RAB11FIP4: variants seen among roughly 807,000 people sequenced by gnomAD.
The protein encoded by RAB11FIP4 is rab11 family-interacting protein 4.
Under a neutral mutation model 74.3 loss-of-function variants are expected in RAB11FIP4, and 23 were observed. That is an observed-to-expected ratio of 0.31 (90% CI 0.22 to 0.44). RAB11FIP4 has a LOEUF of 0.44. Ranked by LOEUF, RAB11FIP4 falls within the 20% of genes least tolerant of loss-of-function variation. The pLI is 1.00. For missense variants in RAB11FIP4, 630 were observed against 863.9 expected (o/e 0.73, Z 3.39); for synonymous variants, 360 against 359.9 (o/e 1.00, Z 0.00).
chr17:31,418,160 G>A (rs1172516521), intron 1 of RAB11FIP4, among the ~76,000 whole-genome samples: 6 of 152,132 alleles, frequency 3.9e-5, no homozygotes, highest in Non-Finnish European at 8.8e-5. Context: ...GGACAAGGCG[G>A]GCGGATCACC....
chr17:31,505,389 G>GTAA (rs1231443702), intron 3 of RAB11FIP4, among the ~76,000 whole-genome samples: 3 of 117,320 alleles, frequency 2.6e-5, no homozygotes, highest in Non-Finnish European at 3.3e-5. Flanking sequence ...TATTCCATCA[G>GTAA]TAATAATAAT....
intron 1 of RAB11FIP4, among the ~76,000 whole-genome samples, chr17:31,400,873 C>T (rs377012354): frequency 2.0e-5 from 3 of 152,184 alleles, no homozygotes; most frequent in African/African-American, 7.2e-5. Context: ...ACATCCTGGG[C>T]TCTTTCTCCC....
intron 3 of RAB11FIP4, among the ~76,000 whole-genome samples, chr17:31,507,722 G>A (rs1473753603): frequency 1.3e-5 from 2 of 152,128 alleles, no homozygotes; most frequent in East Asian, 1.9e-4. Flanking sequence ...TGAACTCCTA[G>A]GTTCAAGCAG....
rs2072312034 is a variant in RAB11FIP4 at position 31,505,514 on chromosome 17, T to TTA, written c.337-12137_337-12136insTA. 8.1e-5 allele frequency among the ~76,000 whole-genome samples: 6 copies of TTA among 74,474 alleles called. No individual in the cohort carries two copies. The Admixed American group carries it at 1.1e-3, about 14-fold the overall frequency. The allele number at this position is 74,474 out of a possible 152,430, so 48.9% of individuals were successfully genotyped here. On this transcript the variant is annotated intron_variant, in intron 3 of 14. Coordinates refer to ENST00000621161, the MANE Select transcript of RAB11FIP4 (RefSeq NM_032932.6). ...TATATAATTATTATATTATATATAA[T>TTA]AATTATATATTATATATAATTATTA...
chr17:31,403,353 C>T (rs546382609), intron 1 of RAB11FIP4, among the ~76,000 whole-genome samples: 68 of 150,866 alleles, frequency 4.5e-4, no homozygotes, highest in African/African-American at 1.4e-3. Flanking sequence ...GATGGAGTCT[C>T]GCTCTGTCAC....
At chr17:31,439,334 T>A (rs1014842643) in intron 3 of RAB11FIP4, among the ~76,000 whole-genome samples, 7 of 152,242 alleles carry the variant, frequency 4.6e-5, no homozygotes, top group Non-Finnish European at 8.8e-5. Context: ...ACCCAAGCAC[T>A]ATATGAGATT....
chr17:31,425,884 AG>A (rs1233443805), intron 1 of RAB11FIP4, among the ~76,000 whole-genome samples: 1 of 152,124 alleles, frequency 6.6e-6, no homozygotes, highest in Admixed American at 6.5e-5. Flanking sequence ...CCTGGGGCCC[AG>A]GCTCCCCACG....
chr17:31,398,961 C>T (rs1005267325), intron 1 of RAB11FIP4, among the ~76,000 whole-genome samples: 1 of 152,118 alleles, frequency 6.6e-6, no homozygotes, highest in Non-Finnish European at 1.5e-5. Context: ...CCTTGGAGGG[C>T]AGTGCATTGC....
At chr17:31,407,630 C>T (rs1036122223) in intron 1 of RAB11FIP4, among the ~76,000 whole-genome samples, 1 of 152,144 alleles carries the variant, frequency 6.6e-6, no homozygotes, top group Non-Finnish European at 1.5e-5. Flanking sequence ...TATAGACTGT[C>T]CCATCACCTG....
At chr17:31,510,355 C>G (rs1156919700) in intron 3 of RAB11FIP4, among the ~76,000 whole-genome samples, 1 of 152,246 alleles carries the variant, frequency 6.6e-6, no homozygotes, top group African/African-American at 2.4e-5. Context: ...TGTGTGTCCA[C>G]CCCCACCGCA....
Position 31,537,037 on chromosome 17 carries a change from G to A in RAB11FIP4, c.*5305G>A, listed in dbSNP as rs542804811. On this transcript the variant is annotated 3_prime_UTR_variant, in exon 15 of 15. Coordinates refer to ENST00000621161, the MANE Select transcript of RAB11FIP4 (RefSeq NM_032932.6). ...ATGTCTCCTGCAGGATCCAAGTGCT[G>A]TTGTCCCCAGGGTGACCCTGCCTCC... is the stretch of plus-strand genomic sequence containing the variant. 1 of 399,350 alleles carries A rather than the reference G, an allele frequency of 2.5e-6. No individual in the cohort carries two copies. Among genetic ancestry groups the A allele is most frequent in the Non-Finnish European group, 4.4e-6 (1 of 226,250 alleles). 24.7% of individuals were successfully genotyped at this position (399,350 alleles called of 1,614,324 possible). A position where few individuals can be genotyped will look rare whatever the true frequency, so the allele number is the denominator to read the frequency against.
intron 1 of RAB11FIP4, among the ~76,000 whole-genome samples, chr17:31,400,503 G>A (rs758002647): frequency 1.4e-4 from 22 of 152,160 alleles, no homozygotes; most frequent in Non-Finnish European, 1.5e-5. Flanking sequence ...TCAGACTTAG[G>A]TTTAATGGGG....
rs553393266 is a variant in RAB11FIP4, at chr17:31,413,380, G to A, written c.160-18433G>A. ...TCAAACTATGCTGAGAGCCAGAGAT[G>A]TCAACAGAGGGCCTCACACGGAGGG... On this transcript the variant is annotated intron_variant, in intron 1 of 14. Coordinates refer to ENST00000621161, the MANE Select transcript of RAB11FIP4 (RefSeq NM_032932.6). 2.6e-5 allele frequency among the ~76,000 whole-genome samples: 4 copies of A among 152,214 alleles called. No homozygotes were observed. In the South Asian group the frequency reaches 8.3e-4, roughly 32 times the overall value.
rs144871327 is a variant in RAB11FIP4, at chr17:31,459,830, C to T, written c.336+25708C>T. On this transcript the variant is annotated intron_variant, in intron 3 of 14. Coordinates refer to ENST00000621161, the MANE Select transcript of RAB11FIP4 (RefSeq NM_032932.6). Reference sequence around the variant, plus strand: ...CCTCTGCCTGACAGTGGGTTGTGCCCCAGAGGGGCTCCTCTGTTGTTCTGG... The same window carrying T: ...CCTCTGCCTGACAGTGGGTTGTGCCTCAGAGGGGCTCCTCTGTTGTTCTGG... Among the ~76,000 whole-genome samples the T allele has an allele frequency of 5.9e-5, 9 of 151,998 alleles. No individual in the cohort carries two copies. In the East Asian group the frequency reaches 1.7e-3, roughly 29 times the overall value.
intron 7 of RAB11FIP4, 61 bp downstream of exon 7, chr17:31,522,456 G>GA: frequency 1.3e-6 from 2 of 1,558,680 alleles, no homozygotes; most frequent in Non-Finnish European, 1.8e-6. Context: ...CACTGGCCGG[G>GA]GCTCCCTGCC....
intron 1 of RAB11FIP4, among the ~76,000 whole-genome samples, chr17:31,410,053 A>C (rs1385411323): frequency 6.6e-6 from 1 of 152,086 alleles, no homozygotes; most frequent in African/African-American, 2.4e-5. Flanking sequence ...CTCACCTGCG[A>C]AATTGGGATG....
chr17:31,396,085 G>C (rs189794937), intron 1 of RAB11FIP4, among the ~76,000 whole-genome samples: 15 of 151,758 alleles, frequency 9.9e-5, no homozygotes, highest in Non-Finnish European at 1.2e-4. Flanking sequence ...TTGGGAGACT[G>C]AGGCAGGAGA....
chr17:31,492,281 GAGC>G (rs1455780090), intron 3 of RAB11FIP4, among the ~76,000 whole-genome samples: 1 of 152,168 alleles, frequency 6.6e-6, no homozygotes, highest in Non-Finnish European at 1.5e-5. Context: ...TCCCACATTT[GAGC>G]AGCAACTTTG....
At chr17:31,528,074 G>A (rs564349137) in intron 11 of RAB11FIP4, 151 bp downstream of exon 11, 5 of 683,792 alleles carry the variant, frequency 7.3e-6, no homozygotes, top group East Asian at 2.8e-5. Flanking sequence ...GATTTTCCAA[G>A]TTTTCTACAG....
Sources: allele counts gnomAD v4.1 joint callset (sites outside exome capture counted in the v4.1 genomes callset), GRCh38; gene constraint gnomAD v4.1.1; transcripts MANE v1.5; gene names NCBI Gene and HGNC (gene_info 2026-07-23, HGNC 2026-07-21).